RIMBP2: variants seen among roughly 807,000 people sequenced by gnomAD.
RIMBP2 encodes RIMS-binding protein 2.
Under a neutral mutation model 118.6 loss-of-function variants are expected in RIMBP2, and 48 were observed. That is an observed-to-expected ratio of 0.40 (90% CI 0.32 to 0.51). RIMBP2 has a LOEUF of 0.51. Ranked by LOEUF, RIMBP2 falls within the 20% of genes least tolerant of loss-of-function variation. RIMBP2 has a pLI of 0.41. For synonymous variants in RIMBP2, 762 were observed against 742.9 expected, an observed-to-expected ratio of 1.03 and a Z score of -0.42; for missense variants, 1,551 against 1,768.3, an observed-to-expected ratio of 0.88 and a Z score of 2.20.
intron 1 of RIMBP2, among the ~76,000 whole-genome samples, chr12:130,706,864 C>T (rs2178074): frequency 0.56 from 85,687 of 152,066 alleles, 27,592 homozygotes; most frequent in Non-Finnish European, 0.74. Flanking sequence ...TCCCAAATGC[C>T]GCAGGCTCAT....
At chr12:130,610,450 CTT>C (rs1469256304) in intron 2 of RIMBP2, among the ~76,000 whole-genome samples, 2 of 150,934 alleles carry the variant, frequency 1.3e-5, no homozygotes, top group Admixed American at 1.3e-4. Context: ...ACACTTATCT[CTT>C]TGATAAATAA....
At chr12:130,465,970 CA>C (rs1387475168) in intron 6 of RIMBP2, 1 of 152,260 alleles carries the variant, frequency 6.6e-6, no homozygotes, top group Admixed American at 6.5e-5. Flanking sequence ...ACTCCGGAGC[CA>C]AACTCCTGAG....
chr12:130,691,397 T>C (rs1013734671), intron 1 of RIMBP2, among the ~76,000 whole-genome samples: 1 of 152,124 alleles, frequency 6.6e-6, no homozygotes, highest in African/African-American at 2.4e-5. Flanking sequence ...AGGCTGCGTG[T>C]GGTGGCTCAC....
intron 19 of RIMBP2, among the ~76,000 whole-genome samples, chr12:130,409,652 G>A (rs2075533936): frequency 6.6e-6 from 1 of 152,100 alleles, no homozygotes; most frequent in Non-Finnish European, 1.5e-5. Context: ...CCAGAATGTA[G>A]CTTTTGAGAC....
At chr12:130,707,000 T>A (rs2066153004) in intron 1 of RIMBP2, among the ~76,000 whole-genome samples, 1 of 152,130 alleles carries the variant, frequency 6.6e-6, no homozygotes, top group Non-Finnish European at 1.5e-5. Flanking sequence ...ATTAACAATG[T>A]GAAATCCTGA....
rs1329976213 is a variant in RIMBP2, at chr12:130,420,621, C to T, written c.3238+1832G>A. ...TTAAAAAAAAAGTCTCAACAATATACAGCCATTTGAAAAGCAATACTGATC... is the reference window on the plus strand; with the variant it reads ...TTAAAAAAAAAGTCTCAACAATATATAGCCATTTGAAAAGCAATACTGATC... On this transcript the variant is annotated intron_variant, in intron 17 of 22. Coordinates refer to ENST00000690449, the MANE Select transcript of RIMBP2 (RefSeq NM_001393629.1). The surrounding 1 kb of genome is among the most constrained non-coding windows in gnomAD (Gnocchi z 4.3). Among the ~76,000 whole-genome samples the T allele has an allele frequency of 6.6e-6, 1 of 152,150 alleles. No individual in the cohort carries two copies. Among genetic ancestry groups the T allele is most frequent in the South Asian group, 2.1e-4 (1 of 4,822 alleles).
At chr12:130,596,049 T>C (rs2059539524) in intron 2 of RIMBP2, among the ~76,000 whole-genome samples, 2 of 152,194 alleles carry the variant, frequency 1.3e-5, no homozygotes, top group Non-Finnish European at 2.9e-5. Context: ...CCAACACAGA[T>C]GTTGCAAAGC....
intron 2 of RIMBP2, among the ~76,000 whole-genome samples, chr12:130,574,982 C>A (rs1423982968): frequency 1.7e-5 from 2 of 118,314 alleles, no homozygotes; most frequent in East Asian, 3.0e-4. Flanking sequence ...ACCCCCACCC[C>A]CAGACGCCCT....
In RIMBP2 at chr12:130,414,168, G is replaced by A. The variant is rs752652178; in HGVS notation, c.3377C>T (p.Ala1126Val). The change falls in exon 18 of 23, where the codon GCT becomes GTT. Residue 1126 changes from alanine to valine, a missense_variant. Around this residue, in one of 5 missense-constraint regions of RIMBP2, gnomAD observed 1,038 missense variants for 1,125.1 expected, o/e 0.92. Coordinates refer to ENST00000690449, the MANE Select transcript of RIMBP2 (RefSeq NM_001393629.1). ...TTTAAAGGGAAGCTCCTCCTCTGCA[G>A]CATCTGGGTTTGGGGACATGGTGAG... ...DPLTMSPNPD[A>V]AEEELPFKEG... 5 of 1,614,224 alleles carry A rather than the reference G, an allele frequency of 3.1e-6. No individual in the cohort carries two copies. Among genetic ancestry groups the A allele is most frequent in the Non-Finnish European group, 4.2e-6 (5 of 1,180,050 alleles).
intron 14 of RIMBP2, among the ~76,000 whole-genome samples, chr12:130,432,805 G>T (rs1330170254): frequency 6.6e-6 from 1 of 152,114 alleles, no homozygotes; most frequent in Admixed American, 6.5e-5. Flanking sequence ...CTGATCTATG[G>T]TATTCTGTGA....
At position 130,399,632 on chromosome 12, in the gene RIMBP2, A is replaced by AT. The variant is rs774270715; in HGVS notation, c.3900+46dup. Reference sequence around the variant, plus strand: ...GTGCAAAGATTGTATTAGACCACATATGGCAGAACGGGACAGAGATTAAAA... The same window carrying AT: ...GTGCAAAGATTGTATTAGACCACATATTGGCAGAACGGGACAGAGATTAAAA... On this transcript the variant is annotated intron_variant, in intron 22 of 22. Transcript: ENST00000690449. The AT allele has an allele frequency of 2.5e-6, 4 of 1,605,852 alleles. No homozygotes were observed. In the South Asian group the frequency reaches 4.4e-5, roughly 18 times the overall value.
chr12:130,590,714 C>T (rs1350004378), intron 2 of RIMBP2, among the ~76,000 whole-genome samples: 1 of 152,204 alleles, frequency 6.6e-6, no homozygotes, highest in Non-Finnish European at 1.5e-5. Flanking sequence ...AGCAACCAGA[C>T]CTCCCCGCTT....
At chr12:130,551,997 GA>G (rs140391687) in intron 2 of RIMBP2, among the ~76,000 whole-genome samples, 26,286 of 152,200 alleles carry the variant, frequency 0.17, 2,422 homozygotes, top group African/African-American at 0.21. Flanking sequence ...TTAACTACAT[GA>G]ATTGTTAAAC....
intron 1 of RIMBP2, among the ~76,000 whole-genome samples, chr12:130,704,717 C>T (rs1289600113): frequency 6.6e-6 from 1 of 152,154 alleles, no homozygotes; most frequent in East Asian, 1.9e-4. Flanking sequence ...CTCGCCCTGC[C>T]ACCACCGCCT....
At chr12:130,433,483 A>G (rs1303929700) in intron 14 of RIMBP2, among the ~76,000 whole-genome samples, 1 of 152,204 alleles carries the variant, frequency 6.6e-6, no homozygotes, top group Non-Finnish European at 1.5e-5. Context: ...CCCTCAGCAC[A>G]TGCCAGAGCC....
At chr12:130,414,087 G>A in intron 18 of RIMBP2, 38 bp downstream of exon 18, 1 of 1,608,218 alleles carries the variant, frequency 6.2e-7, no homozygotes, top group South Asian at 1.1e-5. Context: ...ACCCGCCTCA[G>A]GGGCTGATGA....
rs139183976 is a variant in RIMBP2 at position 130,437,123 on chromosome 12, G to T, written c.1825C>A (p.His609Asn). ...TTTGATTGGGGTGCAGGTCTCGGGT[G>T]GGGGGTAGGAGGCACCAGGAGCTCG... ...PPELLVPPTPHPRPAPQSKPL... is the reference protein window; with the variant it reads ...PPELLVPPTPNPRPAPQSKPL... Residue 609 changes from histidine to asparagine, a missense_variant, in exon 13 of 23, where the codon CAC becomes AAC. His to Asn is a moderately conservative substitution (Grantham distance 68). Coordinates refer to ENST00000690449, the MANE Select transcript of RIMBP2 (RefSeq NM_001393629.1). 1.8e-5 allele frequency: 29 copies of T among 1,584,110 alleles called. No individual in the cohort carries two copies. The Middle Eastern group carries it at 5.1e-4, about 28-fold the overall frequency.
At chr12:130,650,923 T>C (rs1331909368) in intron 1 of RIMBP2, among the ~76,000 whole-genome samples, 1 of 148,438 alleles carries the variant, frequency 6.7e-6, no homozygotes, top group East Asian at 2.0e-4. Context: ...AAGCAGCATT[T>C]TCTTGAACAA....
chr12:130,402,066 C>T (rs1565979080), intron 21 of RIMBP2, among the ~76,000 whole-genome samples: 1 of 152,202 alleles, frequency 6.6e-6, no homozygotes, highest in Non-Finnish European at 1.5e-5. Flanking sequence ...GCTGAACACA[C>T]ACAGCCCTAG....
Sources: gnomAD v4.1 joint callset for allele counts (sites outside exome capture counted in the v4.1 genomes callset) on GRCh38, gnomAD v4.1.1 for gene constraint, gnomAD v4.1.1 regional missense constraint, Gnocchi (gnomAD v3.1) non-coding constraint, MANE v1.5 for transcripts, NCBI Gene and HGNC (gene_info 2026-07-23, HGNC 2026-07-21) for gene names.